CSMD1: variants seen among roughly 807,000 people sequenced by gnomAD.
The protein encoded by CSMD1 is CUB and sushi domain-containing protein 1.
CSMD1 carries 213 observed loss-of-function variants against 417.5 expected under a neutral mutation model. That is an observed-to-expected ratio of 0.51 (90% CI 0.46 to 0.57). The LOEUF is 0.57. Ranked by LOEUF, CSMD1 falls within the 20% of genes least tolerant of loss-of-function variation. The pLI, the probability that CSMD1 is intolerant of heterozygous loss-of-function variation, is 0.00. For synonymous variants in CSMD1, 2,862 were observed against 1,736.8 expected (o/e 1.65, Z -16.11); for missense variants, 6,923 against 4,529.7 (o/e 1.53, Z -15.17).
At chr8:2,969,515 G>A (rs186138630) in intron 57 of CSMD1, among the ~76,000 whole-genome samples, 30 of 152,070 alleles carry the variant, frequency 2.0e-4, no homozygotes, top group African/African-American at 3.1e-4. Flanking sequence ...AAGATTTTTC[G>A]TTTAGAATTA....
chr8:3,238,752 T>TAG (rs1158370668), intron 26 of CSMD1, among the ~76,000 whole-genome samples: 1 of 152,126 alleles, frequency 6.6e-6, no homozygotes, highest in African/African-American at 2.4e-5. Flanking sequence ...GACATCTAAT[T>TAG]AGAGAGTGCC....
intron 12 of CSMD1, among the ~76,000 whole-genome samples, chr8:3,430,389 T>C (rs1814139571): frequency 6.6e-6 from 1 of 152,212 alleles, no homozygotes; most frequent in African/African-American, 2.4e-5. Context: ...GGAAGCTGTA[T>C]CTGTCTTCTG....
chr8:4,286,988 G>C (rs1417411994), intron 3 of CSMD1, among the ~76,000 whole-genome samples: 1 of 152,140 alleles, frequency 6.6e-6, no homozygotes, highest in Non-Finnish European at 1.5e-5. Context: ...TCCACGCCAA[G>C]TAAAGAAAAA....
At chr8:3,921,398 T>C (rs1809252372) in intron 5 of CSMD1, among the ~76,000 whole-genome samples, 3 of 152,150 alleles carry the variant, frequency 2.0e-5, no homozygotes, top group Admixed American at 2.0e-4. Context: ...CTATTTAATT[T>C]ATTATCTAAC....
chr8:3,583,012 G>A (rs1239788005), intron 9 of CSMD1, among the ~76,000 whole-genome samples: 1 of 152,128 alleles, frequency 6.6e-6, no homozygotes, highest in Non-Finnish European at 1.5e-5. Flanking sequence ...TACATAATCA[G>A]TTGGGAAGTC....
intron 47 of CSMD1, among the ~76,000 whole-genome samples, chr8:3,093,652 G>C (rs1395602560): frequency 6.6e-6 from 1 of 151,350 alleles, no homozygotes; most frequent in Admixed American, 6.6e-5. Flanking sequence ...TGGGCAACAA[G>C]AGCAAAATTC....
intron 3 of CSMD1, among the ~76,000 whole-genome samples, chr8:4,047,538 T>TTCAC: frequency 6.6e-6 from 1 of 152,028 alleles, no homozygotes; most frequent in South Asian, 2.1e-4. Context: ...CATTCATTCA[T>TTCAC]TCATTCCACA....
At position 3,406,080 on chromosome 8, in the gene CSMD1, C is replaced by T; in HGVS notation, c.2213G>A (p.Cys738Tyr). The T allele has an allele frequency of 6.2e-7, 1 of 1,613,908 alleles. No individual in the cohort carries two copies. ...VKTQGSESIT[C>Y]ILQDGNVVWS... Reference sequence around the variant, plus strand: ...GACCACGTTCCCGTCTTGCAGTATGCAGGTAATGGACTCGGATCCCTGGGT... The same window carrying T: ...GACCACGTTCCCGTCTTGCAGTATGTAGGTAATGGACTCGGATCCCTGGGT... Residue 738 changes from cysteine (C) to tyrosine (Y), a missense_variant, in exon 15 of 70, where the codon TGC (cysteine) becomes TAC (tyrosine). Cys to Tyr is a radical substitution (Grantham distance 194). Transcript: ENST00000635120.
intron 5 of CSMD1, among the ~76,000 whole-genome samples, chr8:3,771,296 C>A (rs1286238880): frequency 6.6e-6 from 1 of 152,132 alleles, no homozygotes; most frequent in South Asian, 2.1e-4. Flanking sequence ...CCTGCTGGTG[C>A]TTCTGGAAGC....
At chr8:3,162,120 C>T (rs552715101) in intron 38 of CSMD1, 39 bp downstream of exon 38, 2 of 1,283,254 alleles carry the variant, frequency 1.6e-6, no homozygotes, top group East Asian at 4.9e-5. Flanking sequence ...CAAAGATGAC[C>T]ATGTGTATGT....
chr8:4,128,700 C>T (rs114011557), intron 3 of CSMD1, among the ~76,000 whole-genome samples: 119 of 152,242 alleles, frequency 7.8e-4, no homozygotes, highest in African/African-American at 2.5e-3. Flanking sequence ...CTCACGCCCA[C>T]ACACTGTCCA....
At chr8:4,130,032 G>A (rs919191778) in intron 3 of CSMD1, among the ~76,000 whole-genome samples, 1 of 152,010 alleles carries the variant, frequency 6.6e-6, no homozygotes, top group East Asian at 1.9e-4. Context: ...GATTTTTATG[G>A]CAGTCTGCTT....
intron 3 of CSMD1, among the ~76,000 whole-genome samples, chr8:4,242,138 T>C (rs998094146): frequency 3.3e-5 from 5 of 152,220 alleles, no homozygotes; most frequent in Non-Finnish European, 7.3e-5. Flanking sequence ...ATGTCTTTCT[T>C]AGCATATATC....
intron 1 of CSMD1, among the ~76,000 whole-genome samples, chr8:4,801,761 C>T (rs1409022456): frequency 6.7e-6 from 1 of 148,468 alleles, no homozygotes; most frequent in Middle Eastern, 3.2e-3. Context: ...CTTTGTGAGG[C>T]AAAAAGAAAA....
chr8:4,278,011 T>G (rs959719277), intron 3 of CSMD1, among the ~76,000 whole-genome samples: 2 of 152,140 alleles, frequency 1.3e-5, no homozygotes, highest in African/African-American at 2.4e-5. Flanking sequence ...CCTCCCAAAG[T>G]GCTGGGATTA....
intron 3 of CSMD1, among the ~76,000 whole-genome samples, chr8:4,076,563 A>T (rs987766122): frequency 2.0e-5 from 3 of 152,244 alleles, no homozygotes; most frequent in African/African-American, 7.2e-5. Context: ...AGCTAAAAGA[A>T]AATGAAATAA....
chr8:4,836,198 C>T (rs534944072), intron 1 of CSMD1, among the ~76,000 whole-genome samples: 2 of 152,256 alleles, frequency 1.3e-5, no homozygotes, highest in East Asian at 3.9e-4. Flanking sequence ...TTGATTCAGG[C>T]ATTCATCTAC....
intron 6 of CSMD1, among the ~76,000 whole-genome samples, chr8:3,728,833 C>G (rs1168790619): frequency 6.6e-6 from 1 of 152,200 alleles, no homozygotes; most frequent in Non-Finnish European, 1.5e-5. Flanking sequence ...ATATTTCTAA[C>G]ATTAGTTCTT....
chr8:3,009,493 C>G (rs1808217157), intron 52 of CSMD1, among the ~76,000 whole-genome samples: 1 of 152,162 alleles, frequency 6.6e-6, no homozygotes. Flanking sequence ...GCAAACTTTT[C>G]TTCAGTATTA....
Sources: allele counts gnomAD v4.1 joint callset (sites outside exome capture counted in the v4.1 genomes callset), GRCh38; gene constraint gnomAD v4.1.1; transcripts MANE v1.5; gene names NCBI Gene and HGNC (gene_info 2026-07-23, HGNC 2026-07-21).